Variants in TRPC6 observed in about 807,000 individuals in gnomAD.
TRPC6 encodes short transient receptor potential channel 6.
A neutral mutation model predicts 90.7 loss-of-function variants in TRPC6; 55 were observed. The ratio of observed to expected loss-of-function variants is 0.61; its 90% confidence interval spans 0.49 to 0.76. The LOEUF is 0.76. Among genes scored for constraint, TRPC6 ranks in the 30% least tolerant of loss-of-function variants. The pLI is 0.00. For missense variants in TRPC6, 989 were observed against 1,122.7 expected, an observed-to-expected ratio of 0.88 and a Z score of 1.70; for synonymous variants, 393 against 393.0, an observed-to-expected ratio of 1.00 and a Z score of 0.00.
At chr11:101,471,874 A>G (rs1859299826) in intron 8 of TRPC6, among the ~76,000 whole-genome samples, 1 of 152,182 alleles carries the variant, frequency 6.6e-6, no homozygotes, top group Non-Finnish European at 1.5e-5. Flanking sequence ...CTGATATAGT[A>G]TTTCTAAAGT....
rs184736255 is a variant in TRPC6, at chr11:101,559,091, G to A, written c.170+24243C>T. Among the ~76,000 whole-genome samples, 615 of 152,118 alleles carry A rather than the reference G, an allele frequency of 4.0e-3. 1 individual carries two copies. Among genetic ancestry groups the A allele is most frequent in the African/African-American group, 0.014 (586 of 41,490 alleles). On this transcript the variant is annotated intron_variant, in intron 1 of 12. Transcript: ENST00000344327. The stretch of plus-strand genomic sequence containing the variant: ...GAGTACAGAGACAATCTATGAATTG[G>A]GAGAAATATTTGCAAGCCATATATA...
intron 1 of TRPC6, among the ~76,000 whole-genome samples, chr11:101,573,586 C>T (rs940194330): frequency 2.0e-5 from 3 of 152,172 alleles, no homozygotes; most frequent in African/African-American, 7.2e-5. Context: ...AGCTTTTGGA[C>T]AGATCATAAA....
intron 1 of TRPC6, among the ~76,000 whole-genome samples, chr11:101,578,258 G>A (rs1048875633): frequency 3.9e-5 from 6 of 152,110 alleles, no homozygotes; most frequent in Non-Finnish European, 5.9e-5. Flanking sequence ...AGATAACAAG[G>A]ATATAATAAT....
intron 1 of TRPC6, among the ~76,000 whole-genome samples, chr11:101,558,322 CATGTATATGGGTAT>C: frequency 2.2e-5 from 3 of 138,988 alleles, no homozygotes; most frequent in Admixed American, 7.0e-5. Flanking sequence ...TATATGTATA[CATGTATATGGGTAT>C]ACATGTATAT....
Position 101,500,055 on chromosome 11 carries a change from ATG to A in TRPC6, c.945+3967_945+3968del, listed in dbSNP as rs1052523091. Among the ~76,000 whole-genome samples, 8 of 42,506 alleles carry A rather than the reference ATG, an allele frequency of 1.9e-4. 2 individuals carry two copies. Among genetic ancestry groups the A allele is most frequent in the Non-Finnish European group, 2.0e-4 (4 of 19,852 alleles). The allele number at this position is 42,506 out of a possible 152,430, so 27.9% of individuals were successfully genotyped here. ...TGTGTATATATATACAATATAAAAT[ATG>A]TGTGTGTGTATATATATATATACAC... On this transcript the variant is annotated intron_variant, in intron 2 of 12. Transcript: ENST00000344327.
At chr11:101,486,879 G>C (rs983953739) in intron 4 of TRPC6, among the ~76,000 whole-genome samples, 1 of 152,086 alleles carries the variant, frequency 6.6e-6, no homozygotes, top group Admixed American at 6.6e-5. Flanking sequence ...ATGGAAAACT[G>C]TAAAATAGAT....
chr11:101,530,422 C>T (rs565533115), intron 1 of TRPC6, among the ~76,000 whole-genome samples: 2 of 152,212 alleles, frequency 1.3e-5, no homozygotes, highest in Non-Finnish European at 2.9e-5. Flanking sequence ...GCAGGAGATA[C>T]GCCCATCTGT....
intron 6 of TRPC6, among the ~76,000 whole-genome samples, chr11:101,476,037 C>A (rs146735908): frequency 2.0e-3 from 304 of 152,058 alleles, no homozygotes; most frequent in African/African-American, 7.2e-3. Context: ...ATGTATTCTC[C>A]ATGAAGTTTG....
intron 10 of TRPC6, among the ~76,000 whole-genome samples, chr11:101,456,098 C>T (rs2136640708): frequency 6.6e-6 from 1 of 152,132 alleles, no homozygotes; most frequent in East Asian, 1.9e-4. Context: ...TTTACTTATA[C>T]TGAATTTTAA....
intron 3 of TRPC6, 145 bp from the exon 4 acceptor site, chr11:101,489,246 CAACA>C (rs1859748087): frequency 9.0e-6 from 7 of 781,856 alleles, no homozygotes; most frequent in South Asian, 3.3e-5. Flanking sequence ...AATTAACAGG[CAACA>C]AACAAATGGC....
chr11:101,472,316 TA>T lies in TRPC6; in HGVS notation c.2025del (p.Phe675LeufsTer14). 6.2e-7 allele frequency: 1 copy of T among 1,612,718 alleles called. No homozygotes were observed. Among genetic ancestry groups the T allele is most frequent in the Non-Finnish European group, 8.5e-7 (1 of 1,179,366 alleles). On this transcript the variant is annotated frameshift_variant, in exon 8 of 13. Coordinates refer to ENST00000344327, the MANE Select transcript of TRPC6 (RefSeq NM_004621.6). LOFTEE classifies it high-confidence loss of function. The part of the protein sequence containing the change: ...NEAFTTVEES[F>X]KTLFWAIFGL... ...CCAAATATAGCCCAGAACAGTGTCTTAAAACTCTCTTCAACTCTGGGGAAAA... is the reference window on the plus strand; with the variant it reads ...CCAAATATAGCCCAGAACAGTGTCTTAAACTCTCTTCAACTCTGGGGAAAA...
chr11:101,523,895 T>C (rs745449385), intron 1 of TRPC6, among the ~76,000 whole-genome samples: 3 of 152,242 alleles, frequency 2.0e-5, no homozygotes, highest in African/African-American at 7.2e-5. Context: ...AATTTTCTGC[T>C]CTTTTCCCTG....
rs41302375 is a variant in TRPC6 at position 101,583,864 on chromosome 11, T to A, written c.-361A>T. On this transcript the variant is annotated 5_prime_UTR_variant, in exon 1 of 13. Coordinates refer to ENST00000344327, the MANE Select transcript of TRPC6 (RefSeq NM_004621.6). ...GGGAGACGGAGCTGAAGAGTTACTA[T>A]GTCAACAGAGACTCTCCAGCCCTCA... 49,036 of 215,138 alleles carry A rather than the reference T, an allele frequency of 0.23. 6,110 individuals are homozygous for A. The highest frequency in any genetic ancestry group is 0.35 in the Middle Eastern group (232 of 666). The allele number at this position is 215,138 out of a possible 1,614,324, so 13.3% of individuals were successfully genotyped here.
At chr11:101,535,351 T>C (rs1173048984) in intron 1 of TRPC6, among the ~76,000 whole-genome samples, 1 of 152,080 alleles carries the variant, frequency 6.6e-6, no homozygotes, top group Non-Finnish European at 1.5e-5. Context: ...CTTATTTTTA[T>C]GGATACCTTA....
chr11:101,480,800 A>G (rs1591073959), intron 5 of TRPC6, among the ~76,000 whole-genome samples: 1 of 152,202 alleles, frequency 6.6e-6, no homozygotes. Context: ...ACTATGAGAC[A>G]TGGGCTTTTA....
At chr11:101,456,398 A>G (rs1038642719) in intron 10 of TRPC6, among the ~76,000 whole-genome samples, 1 of 152,198 alleles carries the variant, frequency 6.6e-6, no homozygotes, top group East Asian at 1.9e-4. Context: ...CTGGCTTTGA[A>G]ACTATGATTT....
intron 1 of TRPC6, among the ~76,000 whole-genome samples, chr11:101,524,209 C>T (rs1860723597): frequency 6.6e-6 from 1 of 152,192 alleles, no homozygotes; most frequent in Non-Finnish European, 1.5e-5. Flanking sequence ...AATTTACCAA[C>T]AAATGGAGAC....
intron 9 of TRPC6, among the ~76,000 whole-genome samples, chr11:101,469,767 G>C (rs1232264440): frequency 1.3e-5 from 2 of 152,156 alleles, no homozygotes; most frequent in Admixed American, 1.3e-4. Flanking sequence ...TCAATCCACT[G>C]AGTTCTGTAA....
chr11:101,558,971 T>C (rs1861650274), intron 1 of TRPC6, among the ~76,000 whole-genome samples: 1 of 152,120 alleles, frequency 6.6e-6, no homozygotes, highest in African/African-American at 2.4e-5. Flanking sequence ...ATGTTTTTTT[T>C]GGATTTAAGC....
Sources: allele counts gnomAD v4.1 joint callset (sites outside exome capture counted in the v4.1 genomes callset), GRCh38; gene constraint gnomAD v4.1.1; transcripts MANE v1.5; gene names NCBI Gene and HGNC (gene_info 2026-07-23, HGNC 2026-07-21).